The following PELI2 variants were observed in gnomAD, a reference collection of about 807,000 sequenced individuals.
PELI2 encodes pellino E3 ubiquitin protein ligase family member 2, also known as E3 ubiquitin-protein ligase pellino homolog 2.
Under a neutral mutation model 42.3 loss-of-function variants are expected in PELI2, and 23 were observed. The ratio of observed to expected loss-of-function variants is 0.54; its 90% confidence interval spans 0.39 to 0.77. The LOEUF (loss-of-function observed/expected upper bound fraction) is 0.77, where lower values mean the gene tolerates loss of function less well. Ranked by LOEUF, PELI2 falls within the 30% of genes least tolerant of loss-of-function variation. The pLI, the probability that PELI2 is intolerant of heterozygous loss-of-function variation, is 0.00. For synonymous variants in PELI2, 245 were observed against 212.2 expected (o/e 1.15, Z -1.34); for missense variants, 463 against 553.2 (o/e 0.84, Z 1.64).
intron 2 of PELI2, among the ~76,000 whole-genome samples, chr14:56,235,293 A>G (rs1371249869): frequency 6.6e-6 from 1 of 152,246 alleles, no homozygotes; most frequent in Admixed American, 6.5e-5. Context: ...GGCCTAAAGA[A>G]AAAAGATTAT....
intron 2 of PELI2, among the ~76,000 whole-genome samples, chr14:56,233,039 A>G (rs184638082): frequency 2.4e-4 from 36 of 152,274 alleles, no homozygotes; most frequent in African/African-American, 8.7e-4. Flanking sequence ...TAGGAATCCA[A>G]CTTACAGGGT....
rs186462904 is a variant in PELI2, at chr14:56,135,493, A to C, written c.77+16756A>C. ...AAATAATCCTCAAGGATGGTAGCTC[A>C]GAGATTTTGAGGGCATGTTGGTGGT... is the stretch of plus-strand genomic sequence containing the variant. On this transcript the variant is annotated intron_variant, in intron 1 of 5. Transcript: ENST00000267460. Among the ~76,000 whole-genome samples, 639 of 152,334 alleles carry C rather than the reference A, an allele frequency of 4.2e-3. 4 individuals carry two copies. The highest frequency in any genetic ancestry group is 7.5e-3 in the Admixed American group (115 of 15,302).
chr14:56,248,035 T>C (rs990825425), intron 2 of PELI2, among the ~76,000 whole-genome samples: 3 of 152,252 alleles, frequency 2.0e-5, no homozygotes, highest in Admixed American at 6.5e-5. Context: ...TTTGTTAGGC[T>C]AGCTGCCACG....
At chr14:56,213,660 TTAA>T (rs1886790648) in intron 2 of PELI2, among the ~76,000 whole-genome samples, 1 of 152,132 alleles carries the variant, frequency 6.6e-6, no homozygotes, top group Admixed American at 6.5e-5. Context: ...GGGGGTGAGG[TTAA>T]TAAGCCAGTG....
chr14:56,224,181 T>C (rs1351525407), intron 2 of PELI2, among the ~76,000 whole-genome samples: 4 of 152,232 alleles, frequency 2.6e-5, no homozygotes, highest in Non-Finnish European at 4.4e-5. Context: ...TGGCTTTCAA[T>C]ATTCATTTGA....
intron 1 of PELI2, chr14:56,119,619 T>C (rs143106385): frequency 4.5e-6 from 1 of 223,134 alleles, no homozygotes; most frequent in African/African-American, 2.3e-5. Context: ...AGTTTCCTTG[T>C]GACATTTCTA....
intron 2 of PELI2, among the ~76,000 whole-genome samples, chr14:56,216,706 T>C (rs1227617468): frequency 6.6e-6 from 1 of 152,256 alleles, no homozygotes; most frequent in African/African-American, 2.4e-5. Flanking sequence ...CAAAACTCTG[T>C]AGGCAAAGGC....
At chr14:56,233,841 T>C (rs1887681006) in intron 2 of PELI2, among the ~76,000 whole-genome samples, 1 of 152,128 alleles carries the variant, frequency 6.6e-6, no homozygotes, top group Non-Finnish European at 1.5e-5. Flanking sequence ...GGAGAAAATT[T>C]TTGCAATCTA....
chr14:56,295,282 A>G (rs1333985436), intron 5 of PELI2, among the ~76,000 whole-genome samples: 3 of 152,000 alleles, frequency 2.0e-5, no homozygotes, highest in African/African-American at 7.2e-5. Context: ...ATAGTTACCT[A>G]AACCCCCTAC....
rs746523876 is a variant in PELI2 at position 56,288,442 on chromosome 14, C to T, written c.315C>T (p.Gly105=). The change falls in exon 4 of 6, where the codon GGC becomes GGT. Residue 105 remains glycine (G), a synonymous_variant. Transcript: ENST00000267460. The surrounding 1 kb of genome is among the most constrained non-coding windows in gnomAD (Gnocchi z 4.6). The part of the protein sequence containing the change: ...HDKDTDMFQV[G]RSTESPIDFV... Reference sequence around the variant, plus strand: ...AGTACATTTGATTTACTTAGGTGGGCAGATCAACAGAAAGCCCTATCGACT... The same window carrying T: ...AGTACATTTGATTTACTTAGGTGGGTAGATCAACAGAAAGCCCTATCGACT... 67 of 1,612,488 alleles carry T rather than the reference C, an allele frequency of 4.2e-5. 3 individuals carry two copies. The East Asian group carries it at 1.4e-3, about 35-fold the overall frequency.
At chr14:56,249,679 A>G (rs1454927853) in intron 2 of PELI2, among the ~76,000 whole-genome samples, 2 of 152,206 alleles carry the variant, frequency 1.3e-5, no homozygotes, top group Non-Finnish European at 2.9e-5. Flanking sequence ...AATACACACA[A>G]GGAATTACAC....
chr14:56,173,752 A>G (rs950827515), intron 1 of PELI2, among the ~76,000 whole-genome samples: 1 of 152,130 alleles, frequency 6.6e-6, no homozygotes, highest in Non-Finnish European at 1.5e-5. Flanking sequence ...TCTCCTCTCT[A>G]TCCCTGTGTA....
chr14:56,118,494 C>T lies in PELI2; in HGVS notation c.-167C>T. ...AGGCGGAGCAGCCGCGCAGCCACGACGGAGCAGCAGCGGGACTGGCCGCCC... is the reference window on the plus strand; with the variant it reads ...AGGCGGAGCAGCCGCGCAGCCACGATGGAGCAGCAGCGGGACTGGCCGCCC... On this transcript the variant is annotated 5_prime_UTR_variant, in exon 1 of 6. It adds an upstream start codon to the 5' untranslated region. Transcript: ENST00000267460. The T allele has an allele frequency of 2.7e-6, 1 of 365,504 alleles. No individual in the cohort carries two copies. The highest frequency in any genetic ancestry group is 4.8e-6 in the Non-Finnish European group (1 of 210,098). The allele number at this position is 365,504 out of a possible 1,614,324, so 22.6% of individuals were successfully genotyped here. A position where few individuals can be genotyped will look rare whatever the true frequency, so the allele number is the denominator to read the frequency against.
rs191030841 is a variant in PELI2 at position 56,288,253 on chromosome 14, G to T, written c.310-184G>T. On this transcript the variant is annotated intron_variant, in intron 3 of 5. Coordinates refer to ENST00000267460, the MANE Select transcript of PELI2 (RefSeq NM_021255.3). This position sits in a 1 kb window ranked among gnomAD's most constrained non-coding sequence, Gnocchi z 4.6. ...TAAAAATAGGTATCTCTAATATTTG[G>T]TTACCCTAATATCTTCCCTAGTTAA... 3.4e-4 allele frequency among the ~76,000 whole-genome samples: 52 copies of T among 152,242 alleles called. No individual in the cohort carries two copies. Among genetic ancestry groups the T allele is most frequent in the African/African-American group, 1.3e-3 (52 of 41,536 alleles).
chr14:56,185,313 G>C (rs1885733351), intron 2 of PELI2, among the ~76,000 whole-genome samples: 1 of 152,094 alleles, frequency 6.6e-6, no homozygotes, highest in African/African-American at 2.4e-5. Context: ...TGCAAATAAT[G>C]TAAGTATAGT....
intron 2 of PELI2, among the ~76,000 whole-genome samples, chr14:56,184,482 C>T (rs1380801797): frequency 6.6e-6 from 1 of 152,044 alleles, no homozygotes; most frequent in Non-Finnish European, 1.5e-5. Flanking sequence ...ATTTTAATAA[C>T]ATCCTTTTAA....
intron 4 of PELI2, among the ~76,000 whole-genome samples, chr14:56,289,659 C>G (rs1413819571): frequency 6.6e-6 from 1 of 152,046 alleles, no homozygotes; most frequent in Non-Finnish European, 1.5e-5. Context: ...GCTCTGTCAC[C>G]AAGAAAGCTG....
intron 2 of PELI2, among the ~76,000 whole-genome samples, chr14:56,196,539 C>CT (rs1362899254): frequency 1.3e-5 from 2 of 152,194 alleles, no homozygotes; most frequent in Non-Finnish European, 2.9e-5. Context: ...CAACCTCTTG[C>CT]TTTTGTACAT....
intron 2 of PELI2, among the ~76,000 whole-genome samples, chr14:56,270,515 A>G (rs535933531): frequency 2.0e-5 from 3 of 152,224 alleles, no homozygotes; most frequent in Non-Finnish European, 2.9e-5. Flanking sequence ...TCAGCCTGAC[A>G]TAATAGTCAT....
Sources: gnomAD v4.1 joint callset for allele counts (sites outside exome capture counted in the v4.1 genomes callset) on GRCh38, gnomAD v4.1.1 for gene constraint, Gnocchi (gnomAD v3.1) non-coding constraint, MANE v1.5 for transcripts, NCBI Gene and HGNC (gene_info 2026-07-23, HGNC 2026-07-21) for gene names.